FMNL2: variants seen among roughly 807,000 people sequenced by gnomAD.
FMNL2 encodes the protein formin like 2.
A neutral mutation model predicts 130.2 loss-of-function variants in FMNL2; 51 were observed. The ratio of observed to expected loss-of-function variants is 0.39; its 90% CI spans 0.31 to 0.49. The LOEUF (loss-of-function observed/expected upper bound fraction) is 0.49. Ranked by LOEUF, FMNL2 falls within the 20% of genes least tolerant of loss-of-function variation. The probability of loss-of-function intolerance (pLI) is 0.85; values close to 1 mark genes in which losing one functional copy is unlikely to be tolerated. For missense variants in FMNL2, 977 were observed against 1,316.2 expected (o/e 0.74, Z 3.99); for synonymous variants, 465 against 467.1 (o/e 1.00, Z 0.06).
chr2:152,403,186 G>A (rs1164885357), intron 1 of FMNL2, among the ~76,000 whole-genome samples: 4 of 151,482 alleles, frequency 2.6e-5, no homozygotes, highest in Admixed American at 6.6e-5. Flanking sequence ...ATCACTTGGC[G>A]GAGGTAGCGT....
At chr2:152,593,894 TGTGTGTGTGAGAGAGAGA>T (rs1414684210) in intron 9 of FMNL2, among the ~76,000 whole-genome samples, 26 of 112,120 alleles carry the variant, frequency 2.3e-4, no homozygotes, top group African/African-American at 8.0e-4. Context: ...TGTGTGTGTG[TGTGTGTGTGAGAGAGAGA>T]GAGAGAGAGA....
intron 1 of FMNL2, among the ~76,000 whole-genome samples, chr2:152,510,659 C>G (rs1227788440): frequency 2.0e-5 from 3 of 152,146 alleles, no homozygotes; most frequent in African/African-American, 7.2e-5. Flanking sequence ...ACACTTACTT[C>G]ATGGTCTTTT....
In FMNL2 at chr2:152,521,681, C is replaced by T. The variant is rs1693096735; in HGVS notation, c.118-262C>T. 2.0e-5 allele frequency among the ~76,000 whole-genome samples: 3 copies of T among 152,120 alleles called. No individual in the cohort carries two copies. The South Asian group carries it at 6.2e-4, about 32-fold the overall frequency. ...AGTCTGCCAAAGCGACAAGGCATCA[C>T]CTTTGCTAAAATGCAAGTCTGATTG... On this transcript the variant is annotated intron_variant, in intron 1 of 25. Transcript: ENST00000288670.
intron 1 of FMNL2, among the ~76,000 whole-genome samples, chr2:152,475,687 T>C (rs1436656150): frequency 6.6e-6 from 1 of 152,060 alleles, no homozygotes; most frequent in African/African-American, 2.4e-5. Flanking sequence ...TTAGTAGAGA[T>C]GGGGTTTTGC....
chr2:152,556,240 A>G (rs925346775), intron 4 of FMNL2, among the ~76,000 whole-genome samples: 1 of 152,212 alleles, frequency 6.6e-6, no homozygotes, highest in African/African-American at 2.4e-5. Context: ...AAAGTGGGGA[A>G]GGTAGCCAGC....
intron 16 of FMNL2, among the ~76,000 whole-genome samples, chr2:152,625,974 T>C (rs1293438173): frequency 6.6e-6 from 1 of 152,294 alleles, no homozygotes; most frequent in Non-Finnish European, 1.5e-5. Flanking sequence ...GTAATTGAAT[T>C]AGTGGGTTAG....
chr2:152,344,604 T>G (rs1333002413), intron 1 of FMNL2, among the ~76,000 whole-genome samples: 1 of 152,210 alleles, frequency 6.6e-6, no homozygotes, highest in Non-Finnish European at 1.5e-5. Flanking sequence ...ATTATCATAA[T>G]GAAAATTTGT....
chr2:152,335,843 C>T, intron 1 of FMNL2, 123 bp downstream of exon 1: 1 of 616,684 alleles, frequency 1.6e-6, no homozygotes, highest in Non-Finnish European at 2.6e-6. Context: ...GGGGGAGGCT[C>T]CCGCTTTCCC....
chr2:152,540,228 AT>A (rs1353916892), intron 2 of FMNL2, among the ~76,000 whole-genome samples: 2 of 152,054 alleles, frequency 1.3e-5, no homozygotes. Flanking sequence ...TCATCAGTTC[AT>A]TTTTCTGAGC....
At chr2:152,533,560 T>G (rs111227080) in intron 2 of FMNL2, among the ~76,000 whole-genome samples, 4 of 146,354 alleles carry the variant, frequency 2.7e-5, no homozygotes, top group South Asian at 2.2e-4. Context: ...TTTTTTTTTT[T>G]TTTTTTTGCT....
At chr2:152,647,177 A>G (rs1377181815) in intron 25 of FMNL2, among the ~76,000 whole-genome samples, 1 of 152,160 alleles carries the variant, frequency 6.6e-6, no homozygotes, top group African/African-American at 2.4e-5. Flanking sequence ...ACAAGACCCC[A>G]TTTCTTAAAA....
intron 1 of FMNL2, among the ~76,000 whole-genome samples, chr2:152,495,293 G>A (rs1039867813): frequency 7.2e-5 from 11 of 152,074 alleles, no homozygotes; most frequent in Non-Finnish European, 1.6e-4. Flanking sequence ...TTATCAGTAA[G>A]TTTTGTTGTG....
At chr2:152,444,539 T>A (rs904895338) in intron 1 of FMNL2, among the ~76,000 whole-genome samples, 1 of 152,162 alleles carries the variant, frequency 6.6e-6, no homozygotes, top group Non-Finnish European at 1.5e-5. Context: ...GGATAACACA[T>A]TACAGAAATA....
chr2:152,354,396 C>G (rs1342549645), intron 1 of FMNL2, among the ~76,000 whole-genome samples: 1 of 151,710 alleles, frequency 6.6e-6, no homozygotes, highest in Non-Finnish European at 1.5e-5. Context: ...CAGCATTGTT[C>G]AATAAAAGAT....
In FMNL2 at chr2:152,365,392, A is replaced by G. The variant is rs16830986; in HGVS notation, c.117+29672A>G. The stretch of plus-strand genomic sequence containing the variant: ...TAGTCTCTGTGGATATGGCAAGAGA[A>G]GTTGTGGTCAAACTTATGTTTTAGA... On this transcript the variant is annotated intron_variant, in intron 1 of 25. Coordinates refer to ENST00000288670, the MANE Select transcript of FMNL2 (RefSeq NM_052905.4). 0.046 allele frequency among the ~76,000 whole-genome samples: 6,878 copies of G among 150,702 alleles called. 969 individuals carry two copies. The East Asian group carries it at 0.55, about 12-fold the overall frequency.
chr2:152,381,547 G>T (rs1396928189), intron 1 of FMNL2, among the ~76,000 whole-genome samples: 2 of 152,162 alleles, frequency 1.3e-5, no homozygotes, highest in Non-Finnish European at 2.9e-5. Context: ...TAATATTCCT[G>T]TCGTTAGGGT....
At chr2:152,484,894 G>A (rs1011401902) in intron 1 of FMNL2, among the ~76,000 whole-genome samples, 1 of 152,214 alleles carries the variant, frequency 6.6e-6, no homozygotes, top group Non-Finnish European at 1.5e-5. Context: ...TGCATTAATG[G>A]TTCCTGTCTT....
chr2:152,348,684 AGAG>A (rs1298774887), intron 1 of FMNL2, among the ~76,000 whole-genome samples: 3 of 152,190 alleles, frequency 2.0e-5, no homozygotes, highest in Non-Finnish European at 4.4e-5. Context: ...AATTAGCAGA[AGAG>A]GAGGAGGGCA....
At position 152,477,873 on chromosome 2, in the gene FMNL2, T is replaced by C. The variant is rs927229470; in HGVS notation, c.118-44070T>C. Among the ~76,000 whole-genome samples, 16 of 152,192 alleles carry C rather than the reference T, an allele frequency of 1.1e-4. 1 individual carries two copies. The highest frequency in any genetic ancestry group is 7.2e-4 in the Admixed American group (11 of 15,288). On this transcript the variant is annotated intron_variant, in intron 1 of 25. Coordinates refer to ENST00000288670, the MANE Select transcript of FMNL2 (RefSeq NM_052905.4). ...TATATACACACAAACTATAGACACA[T>C]GAACATAGCAGCTGCTAAATTTAAT... is the stretch of plus-strand genomic sequence containing the variant.
Sources: gnomAD v4.1 joint callset for allele counts (sites outside exome capture counted in the v4.1 genomes callset) on GRCh38, gnomAD v4.1.1 for gene constraint, MANE v1.5 for transcripts, NCBI Gene and HGNC (gene_info 2026-07-23, HGNC 2026-07-21) for gene names.